Variants in LRRTM4 observed in about 807,000 individuals in gnomAD.
LRRTM4 encodes leucine rich repeat transmembrane neuronal 4.
A neutral mutation model predicts 47.6 loss-of-function variants in LRRTM4; 25 were observed. The observed-to-expected ratio is 0.53, with a 90% CI of 0.38 to 0.73. The LOEUF is 0.73. Among genes scored for constraint, LRRTM4 ranks in the 30% least tolerant of loss-of-function variants. LRRTM4 has a pLI of 0.00. For synonymous variants in LRRTM4, 311 were observed against 269.5 expected, an observed-to-expected ratio of 1.15 and a Z score of -1.51; for missense variants, 638 against 713.4, an observed-to-expected ratio of 0.89 and a Z score of 1.20.
chr2:76,896,276 A>G (rs1673414771), intron 3 of LRRTM4, among the ~76,000 whole-genome samples: 1 of 151,986 alleles, frequency 6.6e-6, no homozygotes, highest in Admixed American at 6.6e-5. Flanking sequence ...ATTGGGTCCA[A>G]ATGATCACTT....
chr2:76,987,864 A>C (rs1676857747), intron 3 of LRRTM4, among the ~76,000 whole-genome samples: 2 of 151,854 alleles, frequency 1.3e-5, no homozygotes, highest in African/African-American at 4.8e-5. Context: ...AAGGGCCAGG[A>C]AATATAGTCA....
intron 3 of LRRTM4, among the ~76,000 whole-genome samples, chr2:77,484,025 G>T (rs2104025492): frequency 6.6e-6 from 1 of 152,282 alleles, no homozygotes; most frequent in Non-Finnish European, 1.5e-5. Flanking sequence ...AGATCCCAAA[G>T]CATATATGTT....
chr2:76,901,602 T>G (rs1673636238), intron 3 of LRRTM4, among the ~76,000 whole-genome samples: 2 of 152,090 alleles, frequency 1.3e-5, no homozygotes, highest in African/African-American at 4.8e-5. Context: ...AAAAAAAAAT[T>G]TTTAAAGACT....
In LRRTM4 at chr2:77,103,659, A is replaced by ATC. The variant is rs1671017415; in HGVS notation, c.1552-354744_1552-354743insGA. Among the ~76,000 whole-genome samples the ATC allele has an allele frequency of 3.4e-5, 5 of 144,964 alleles. 1 individual carries two copies. The South Asian group carries it at 6.6e-4, about 19-fold the overall frequency. ...TATATACATGAGTGTATATATATAT[A>ATC]TATAGATATATATATCACATATATG... On this transcript the variant is annotated intron_variant, in intron 3 of 3. Transcript: ENST00000409884.
At chr2:77,212,472 TATAGAG>T (rs1396783325) in intron 3 of LRRTM4, among the ~76,000 whole-genome samples, 8 of 144,458 alleles carry the variant, frequency 5.5e-5, no homozygotes, top group Admixed American at 2.1e-4. Flanking sequence ...TATATATATA[TATAGAG>T]AGAGAGAGAG....
At chr2:77,043,871 G>T (rs73940247) in intron 3 of LRRTM4, among the ~76,000 whole-genome samples, 3 of 151,296 alleles carry the variant, frequency 2.0e-5, no homozygotes, top group African/African-American at 7.3e-5. Flanking sequence ...AATTAAAATA[G>T]CAAAATGGTC....
At chr2:77,111,842 T>A (rs190832015) in intron 3 of LRRTM4, among the ~76,000 whole-genome samples, 58 of 152,150 alleles carry the variant, frequency 3.8e-4, no homozygotes, top group African/African-American at 1.3e-3. Context: ...GAAAAAAAAA[T>A]TGTATGCTAA....
intron 3 of LRRTM4, among the ~76,000 whole-genome samples, chr2:77,486,173 G>A (rs983851119): frequency 6.6e-6 from 1 of 152,244 alleles, no homozygotes; most frequent in Admixed American, 6.5e-5. Flanking sequence ...CACATTGATT[G>A]GAATATCCAT....
chr2:76,795,218 ATT>A (rs202215511), intron 3 of LRRTM4, among the ~76,000 whole-genome samples: 4,369 of 152,308 alleles, frequency 0.029, no homozygotes, highest in African/African-American at 0.086. Flanking sequence ...AAGAAATTAA[ATT>A]AATGAAAAGT....
At chr2:77,393,508 A>T (rs1673584693) in intron 3 of LRRTM4, among the ~76,000 whole-genome samples, 1 of 152,022 alleles carries the variant, frequency 6.6e-6, no homozygotes, top group African/African-American at 2.4e-5. Context: ...TTTTCACCAA[A>T]CTAGAGAAGA....
rs549792165 is a variant in LRRTM4 at position 76,774,737 on chromosome 2, T to C, written c.1552-25821A>G. Among the ~76,000 whole-genome samples the C allele has an allele frequency of 4.0e-4, 61 of 152,296 alleles. 1 individual carries two copies. The highest frequency in any genetic ancestry group is 1.4e-3 in the African/African-American group (58 of 41,562). On this transcript the variant is annotated intron_variant, in intron 3 of 3. Transcript: ENST00000409884. ...CGTGTAACTTTATGGAAACACATCA[T>C]AATTTCTGTCTGACATTTTTGCTTT...
rs77380852 is a variant in LRRTM4 at position 77,042,602 on chromosome 2, T to C, written c.1552-293686A>G. 9.9e-3 allele frequency among the ~76,000 whole-genome samples: 1,503 copies of C among 151,846 alleles called. 26 individuals carry two copies. Among genetic ancestry groups the C allele is most frequent in the African/African-American group, 0.035 (1,442 of 41,502 alleles). ...GGTCTATTTTTGTACAGGAATAAAATAGAAGTTTGTTTTTATTGTATAGAA... is the reference window on the plus strand; with the variant it reads ...GGTCTATTTTTGTACAGGAATAAAACAGAAGTTTGTTTTTATTGTATAGAA... On this transcript the variant is annotated intron_variant, in intron 3 of 3. Coordinates refer to ENST00000409884, the MANE Select transcript of LRRTM4 (RefSeq NM_001134745.3).
At chr2:77,518,260 A>G in intron 3 of LRRTM4, 58 bp downstream of exon 3, 6 of 1,474,370 alleles carry the variant, frequency 4.1e-6, no homozygotes, top group Non-Finnish European at 5.4e-6. Flanking sequence ...TAGGGCTTCA[A>G]ACATTTACCT....
chr2:77,180,600 C>A (rs561825985), intron 3 of LRRTM4, among the ~76,000 whole-genome samples: 1 of 152,250 alleles, frequency 6.6e-6, no homozygotes, highest in South Asian at 2.1e-4. Context: ...CTTTCATTAT[C>A]ATTTCCTTTC....
intron 3 of LRRTM4, among the ~76,000 whole-genome samples, chr2:76,792,514 T>C (rs1675030697): frequency 6.6e-6 from 1 of 152,142 alleles, no homozygotes; most frequent in South Asian, 2.1e-4. Flanking sequence ...TAGGAAGGCG[T>C]GTGTGTGTAT....
chr2:76,932,346 A>G (rs1053067568), intron 3 of LRRTM4, among the ~76,000 whole-genome samples: 1 of 152,162 alleles, frequency 6.6e-6, no homozygotes, highest in Non-Finnish European at 1.5e-5. Flanking sequence ...TCTTCCACCA[A>G]TAACTCCTTG....
At chr2:77,098,104 AC>A (rs1361727834) in intron 3 of LRRTM4, among the ~76,000 whole-genome samples, 1 of 152,054 alleles carries the variant, frequency 6.6e-6, no homozygotes, top group Non-Finnish European at 1.5e-5. Flanking sequence ...CTTATTATTC[AC>A]ACTTGCAAAT....
intron 3 of LRRTM4, among the ~76,000 whole-genome samples, chr2:77,330,094 GCTGGAAC>G (rs1378467049): frequency 1.3e-5 from 2 of 152,094 alleles, no homozygotes; most frequent in African/African-American, 4.8e-5. Context: ...ACTTGATTTG[GCTGGAAC>G]CTTGGATGAT....
rs539305928 is a variant in LRRTM4 at position 76,919,995 on chromosome 2, A to G, written c.1552-171079T>C. On this transcript the variant is annotated intron_variant, in intron 3 of 3. Transcript: ENST00000409884. ...TTTTTTGAAATGCTATTTACTTCCA[A>G]TTAAGCTAGCCCAGTGTTTTACATG... is the stretch of plus-strand genomic sequence containing the variant. 1.1e-4 allele frequency among the ~76,000 whole-genome samples: 17 copies of G among 152,168 alleles called. No individual in the cohort carries two copies. In the East Asian group the frequency reaches 3.1e-3, roughly 28 times the overall value.
Sources: gnomAD v4.1 joint callset for allele counts (sites outside exome capture counted in the v4.1 genomes callset) on GRCh38, gnomAD v4.1.1 for gene constraint, MANE v1.5 for transcripts, NCBI Gene and HGNC (gene_info 2026-07-23, HGNC 2026-07-21) for gene names.